Variants in CRAMP1 observed in about 807,000 individuals in gnomAD.
CRAMP1 encodes cramped chromatin regulator 1.
CRAMP1 carries 50 observed loss-of-function variants against 115.4 expected under a neutral mutation model. The ratio of observed to expected loss-of-function variants is 0.43; its 90% CI spans 0.35 to 0.55. The LOEUF is 0.55. CRAMP1 is among the 20% of genes least tolerant of loss of function. CRAMP1 has a pLI of 0.01. For synonymous variants in CRAMP1, 866 were observed against 745.4 expected (o/e 1.16, Z -2.64); for missense variants, 1,679 against 1,721.7 (o/e 0.98, Z 0.44).
chr16:1,628,546 A>G (rs2036524781), intron 3 of CRAMP1, among the ~76,000 whole-genome samples: 1 of 152,206 alleles, frequency 6.6e-6, no homozygotes, highest in African/African-American at 2.4e-5. Flanking sequence ...GAGTCACCGC[A>G]CCTGGCCTAA....
chr16:1,667,922 T>C (rs374772392), intron 17 of CRAMP1, 40 bp from the exon 18 acceptor site: 5 of 1,338,456 alleles, frequency 3.7e-6, no homozygotes, highest in Non-Finnish European at 5.3e-6. Flanking sequence ...TGGGTTCTGA[T>C]AGACCTGGTT....
Position 1,670,682 on chromosome 16 carries a change from A to C in CRAMP1, c.3518A>C (p.Glu1173Ala). Residue 1173 changes from glutamate (E) to alanine (A), a missense_variant, in exon 20 of 21, where the codon GAG (glutamate) becomes GCG (alanine). By Grantham distance (107) the Glu-to-Ala change is moderately radical (BLOSUM62 -1). Transcript: ENST00000397412. ...TCCGCAGCAAGCTTCATCTCCCCAG[A>C]GAAGAGCCGGAAGATGTTGCCGACT... Reference protein sequence around the residue: ...SSLFASFISPEKSRKMLPTPI... With the variant: ...SSLFASFISPAKSRKMLPTPI... 6.2e-7 allele frequency: 1 copy of C among 1,613,934 alleles called. No homozygotes were observed. The highest frequency in any genetic ancestry group is 2.2e-5 in the East Asian group (1 of 44,870).
intron 6 of CRAMP1, among the ~76,000 whole-genome samples, chr16:1,648,805 T>A (rs1410432953): frequency 2.0e-5 from 3 of 152,096 alleles, no homozygotes; most frequent in Non-Finnish European, 4.4e-5. Context: ...ACGCCTGTAA[T>A]CCCAACACTT....
chr16:1,632,132 A>C, intron 3 of CRAMP1, 80 bp from the exon 4 acceptor site: 2 of 1,429,004 alleles, frequency 1.4e-6, no homozygotes, highest in African/African-American at 2.9e-5. Flanking sequence ...CCTTTCTCGG[A>C]ACCTTGGAAA....
chr16:1,664,296 G>T (rs1369721359), intron 13 of CRAMP1, among the ~76,000 whole-genome samples: 2 of 152,186 alleles, frequency 1.3e-5, no homozygotes, highest in African/African-American at 4.8e-5. Context: ...ACACACAAAA[G>T]CCCTGGAAAG....
At chr16:1,646,202 T>C (rs2036673059) in intron 6 of CRAMP1, among the ~76,000 whole-genome samples, 1 of 152,148 alleles carries the variant, frequency 6.6e-6, no homozygotes, top group Non-Finnish European at 1.5e-5. Flanking sequence ...TTTGCAGTGT[T>C]TTAGTGTTGA....
At position 1,616,833 on chromosome 16, in the gene CRAMP1, G is replaced by T. The variant is rs565309540; in HGVS notation, c.346+1848G>T. Among the ~76,000 whole-genome samples the T allele has an allele frequency of 8.4e-3, 916 of 108,752 alleles. 1 individual carries two copies. Among genetic ancestry groups the T allele is most frequent in the Non-Finnish European group, 0.011 (591 of 52,674 alleles). 71.3% of individuals were successfully genotyped at this position (108,752 alleles called of 152,430 possible). On this transcript the variant is annotated intron_variant, in intron 2 of 20. Transcript: ENST00000397412. ...GCAAATATATCTTTTTTTTTTTTTTGAGACTGAGTCTCACTCTGTCACCCA... is the reference window on the plus strand; with the variant it reads ...GCAAATATATCTTTTTTTTTTTTTTTAGACTGAGTCTCACTCTGTCACCCA...
At position 1,670,558 on chromosome 16, in the gene CRAMP1, C is replaced by CGGGGCT. The variant is rs1000868612; in HGVS notation, c.3500-105_3500-100dup. Reference sequence around the variant, plus strand: ...CACAAGTCTGGATTGGGGCCGGGGCCGGGGCTAGGGCTTGGGCTGGCTGCC... The same window carrying CGGGGCT: ...CACAAGTCTGGATTGGGGCCGGGGCCGGGGCTGGGGCTAGGGCTTGGGCTGGCTGCC... On this transcript the variant is annotated intron_variant, in intron 19 of 20. Coordinates refer to ENST00000397412, the MANE Select transcript of CRAMP1 (RefSeq NM_020825.4). The CGGGGCT allele has an allele frequency of 3.2e-6, 4 of 1,252,684 alleles. No homozygotes were observed. In the African/African-American group the frequency reaches 6.0e-5, roughly 19 times the overall value. The allele number at this position is 1,252,684 out of a possible 1,614,324, so 77.6% of individuals were successfully genotyped here.
chr16:1,654,066 G>A (rs58764937), intron 8 of CRAMP1, among the ~76,000 whole-genome samples: 28,605 of 144,816 alleles, frequency 0.2, 3,506 homozygotes, highest in South Asian at 0.26. Context: ...TCACTTGAAC[G>A]CAGGAGGCAG....
Position 1,652,578 on chromosome 16 carries a change from G to C in CRAMP1, c.910G>C (p.Asp304His). 6.4e-7 allele frequency: 1 copy of C among 1,552,480 alleles called. No individual in the cohort carries two copies. The highest frequency in any genetic ancestry group is 8.7e-7 in the Non-Finnish European group (1 of 1,147,330). ...CRALKKLCDP[D>H]GLSDEEDQKP... ...GGCCCTGAAGAAGCTGTGCGATCCA[G>C]ATGGTAAGTGAATGGGGCGCTCCCG... Residue 304 changes from aspartate to histidine, a missense_variant, in exon 7 of 21, where the codon GAT becomes CAT. Around this residue, in one of 8 missense-constraint regions of CRAMP1, gnomAD observed 191 missense variants for 236.2 expected, o/e 0.81. Transcript: ENST00000397412.
chr16:1,667,872 T>A, intron 17 of CRAMP1, 90 bp from the exon 18 acceptor site: 8 of 801,574 alleles, frequency 1.0e-5, no homozygotes, highest in South Asian at 1.7e-5. Context: ...TTGATTTGCC[T>A]GCAAGCTAGG....
chr16:1,658,106 G>C (rs538870136), intron 10 of CRAMP1, among the ~76,000 whole-genome samples: 1 of 152,324 alleles, frequency 6.6e-6, no homozygotes, highest in East Asian at 1.9e-4. Context: ...CCCACCCCCA[G>C]CCGGTGCAGG....
At chr16:1,613,806 C>G (rs965986653) in intron 1 of CRAMP1, among the ~76,000 whole-genome samples, 1 of 152,222 alleles carries the variant, frequency 6.6e-6, no homozygotes, top group African/African-American at 2.4e-5. Flanking sequence ...TGGTTCCAAC[C>G]TGTTCCATGC....
intron 2 of CRAMP1, among the ~76,000 whole-genome samples, chr16:1,621,513 A>G (rs760148148): frequency 2.6e-5 from 4 of 152,196 alleles, no homozygotes; most frequent in Admixed American, 6.5e-5. Flanking sequence ...TGGCGCTGAC[A>G]CGGGCTAAGC....
chr16:1,663,351 G>T (rs1050114710), intron 13 of CRAMP1, among the ~76,000 whole-genome samples: 2 of 152,196 alleles, frequency 1.3e-5, no homozygotes, highest in Non-Finnish European at 2.9e-5. Flanking sequence ...GAAATGTATG[G>T]ATGTGTGTTA....
At chr16:1,651,438 G>T (rs1022635872) in intron 6 of CRAMP1, among the ~76,000 whole-genome samples, 5 of 149,936 alleles carry the variant, frequency 3.3e-5, no homozygotes, top group Admixed American at 6.6e-5. Flanking sequence ...GAGGTGAATT[G>T]TCACACAGAG....
At chr16:1,654,482 G>A (rs1433035409) in intron 8 of CRAMP1, among the ~76,000 whole-genome samples, 2 of 152,340 alleles carry the variant, frequency 1.3e-5, no homozygotes, top group East Asian at 3.9e-4. Flanking sequence ...AAAGTGTTGG[G>A]ATTCCAGGCG....
intron 2 of CRAMP1, among the ~76,000 whole-genome samples, chr16:1,625,258 G>A (rs2036499214): frequency 6.6e-6 from 1 of 152,126 alleles, no homozygotes; most frequent in Non-Finnish European, 1.5e-5. Flanking sequence ...TCTCGGAGGA[G>A]CCTGGCCAGG....
At position 1,673,886 on chromosome 16, in the gene CRAMP1, G is replaced by A. The variant is rs747922156; in HGVS notation, c.3651G>A (p.Val1217=). The change falls in exon 21 of 21, where the codon GTG becomes GTA. Residue 1217 remains valine (V), a synonymous_variant. Coordinates refer to ENST00000397412, the MANE Select transcript of CRAMP1 (RefSeq NM_020825.4). ...CCTGTCTCCTCTTCCTGCAGGTTGT[G>A]GATTCCCAGCTGGTGTGCATGATGA... ...SRSLADVAEV[V]DSQLVCMMNE... 4 of 1,613,792 alleles carry A rather than the reference G, an allele frequency of 2.5e-6. No individual in the cohort carries two copies. In the South Asian group the frequency reaches 4.4e-5, roughly 18 times the overall value.
Sources: gnomAD v4.1 joint callset for allele counts (sites outside exome capture counted in the v4.1 genomes callset) on GRCh38, gnomAD v4.1.1 for gene constraint, gnomAD v4.1.1 regional missense constraint, MANE v1.5 for transcripts, NCBI Gene and HGNC (gene_info 2026-07-23, HGNC 2026-07-21) for gene names.